Variants in CNTN5 observed in about 807,000 individuals in gnomAD.
CNTN5 encodes the protein contactin-5.
A neutral mutation model predicts 129.1 loss-of-function variants in CNTN5; 77 were observed. The observed-to-expected ratio is 0.60, with a 90% CI of 0.50 to 0.72. The LOEUF (loss-of-function observed/expected upper bound fraction) is 0.72. Among genes scored for constraint, CNTN5 ranks in the 30% least tolerant of loss-of-function variants. The pLI is 0.00. For synonymous variants in CNTN5, 509 were observed against 465.6 expected (o/e 1.09, Z -1.20); for missense variants, 1,478 against 1,328.8 (o/e 1.11, Z -1.75).
intron 2 of CNTN5, among the ~76,000 whole-genome samples, chr11:99,350,271 A>G (rs555075159): frequency 2.0e-5 from 3 of 152,248 alleles, no homozygotes; most frequent in East Asian, 1.9e-4. Flanking sequence ...AAAATACACC[A>G]CCTGAATGCC....
At chr11:99,106,797 T>C (rs1393387618) in intron 1 of CNTN5, among the ~76,000 whole-genome samples, 1 of 152,092 alleles carries the variant, frequency 6.6e-6, no homozygotes, top group African/African-American at 2.4e-5. Flanking sequence ...AAGAACACAG[T>C]AGCACTGAGA....
At chr11:100,332,892 G>T (rs1345619633) in intron 21 of CNTN5, among the ~76,000 whole-genome samples, 2 of 152,112 alleles carry the variant, frequency 1.3e-5, no homozygotes, top group South Asian at 2.1e-4. Context: ...ACAAGGCAAG[G>T]ATGCCCACTC....
intron 13 of CNTN5, among the ~76,000 whole-genome samples, chr11:100,109,403 G>A (rs907608511): frequency 2.6e-5 from 4 of 152,152 alleles, no homozygotes; most frequent in Non-Finnish European, 5.9e-5. Flanking sequence ...TCTAGCCTGG[G>A]CTACAGAGCA....
chr11:99,938,960 T>G (rs752769697), intron 7 of CNTN5, among the ~76,000 whole-genome samples: 1 of 152,126 alleles, frequency 6.6e-6, no homozygotes, highest in Non-Finnish European at 1.5e-5. Context: ...TGACTCATTC[T>G]AAATTATGAG....
chr11:99,543,778 C>T lies in CNTN5; in HGVS notation c.-70-12367C>T, dbSNP rs140851988. Among the ~76,000 whole-genome samples, 30 of 151,980 alleles carry T rather than the reference C, an allele frequency of 2.0e-4. No homozygotes were observed. In the East Asian group the frequency reaches 4.7e-3, roughly 24 times the overall value. ...ACTGAAACTACAAAAATTAGCTGTGCGTGGTGGCACACGCCTGTAATTCCT... is the reference window on the plus strand; with the variant it reads ...ACTGAAACTACAAAAATTAGCTGTGTGTGGTGGCACACGCCTGTAATTCCT... On this transcript the variant is annotated intron_variant, in intron 2 of 24. Transcript: ENST00000524871.
intron 2 of CNTN5, among the ~76,000 whole-genome samples, chr11:99,464,971 A>G (rs1944875879): frequency 1.3e-5 from 2 of 152,166 alleles, no homozygotes; most frequent in East Asian, 1.9e-4. Context: ...TATTTGGAAT[A>G]TTTTGGAATA....
At chr11:99,698,102 A>G (rs1292114713) in intron 3 of CNTN5, among the ~76,000 whole-genome samples, 2 of 150,338 alleles carry the variant, frequency 1.3e-5, no homozygotes, top group Non-Finnish European at 3.0e-5. Flanking sequence ...TTTTTTTACT[A>G]CGTATTTCCT....
At chr11:100,051,374 CA>C (rs1942945360) in intron 9 of CNTN5, among the ~76,000 whole-genome samples, 1 of 151,850 alleles carries the variant, frequency 6.6e-6, no homozygotes, top group African/African-American at 2.4e-5. Flanking sequence ...TTTAGAAATT[CA>C]AAACACACAT....
rs184563825 is a variant in CNTN5 at position 100,011,366 on chromosome 11, C to T, written c.980+9230C>T. Among the ~76,000 whole-genome samples, 86 of 151,594 alleles carry T rather than the reference C, an allele frequency of 5.7e-4. 1 individual carries two copies. Among genetic ancestry groups the T allele is most frequent in the African/African-American group, 2.0e-3 (83 of 40,904 alleles). On this transcript the variant is annotated intron_variant, in intron 9 of 24. Transcript: ENST00000524871. ...GTTACTCTGTAATAAAAAAGCCAAA[C>T]GCTACAAAACAACATCAGTTTATCC...
chr11:100,157,794 T>A (rs1164380472), intron 13 of CNTN5, among the ~76,000 whole-genome samples: 1 of 151,736 alleles, frequency 6.6e-6, no homozygotes, highest in Non-Finnish European at 1.5e-5. Context: ...AACGAAGATC[T>A]GCATAGTTAC....
intron 3 of CNTN5, among the ~76,000 whole-genome samples, chr11:99,579,374 T>C (rs1485421760): frequency 6.6e-6 from 1 of 151,814 alleles, no homozygotes; most frequent in Non-Finnish European, 1.5e-5. Context: ...AAGAAAGTCA[T>C]TGGTAGCTTG....
intron 6 of CNTN5, among the ~76,000 whole-genome samples, chr11:99,908,922 A>T (rs1392283272): frequency 1.3e-5 from 2 of 152,100 alleles, no homozygotes; most frequent in Non-Finnish European, 2.9e-5. Flanking sequence ...TAATATGTAA[A>T]GTGAAAATGG....
chr11:99,493,712 G>A (rs1946121238), intron 2 of CNTN5, among the ~76,000 whole-genome samples: 1 of 152,148 alleles, frequency 6.6e-6, no homozygotes, highest in Non-Finnish European at 1.5e-5. Context: ...GGAGGATTGA[G>A]GTGTTCAAGG....
chr11:99,620,215 T>A (rs1333601835), intron 3 of CNTN5, among the ~76,000 whole-genome samples: 1 of 152,086 alleles, frequency 6.6e-6, no homozygotes, highest in African/African-American at 2.4e-5. Context: ...AGCGTTAAGC[T>A]TGTCCTCAAG....
chr11:99,598,284 CT>C (rs1565335387), intron 3 of CNTN5, among the ~76,000 whole-genome samples: 18 of 5,074 alleles, frequency 3.5e-3, no homozygotes, highest in South Asian at 0.015. Context: ...CTTTTCTTTT[CT>C]TTTCTTTTCT....
rs182687222 is a variant in CNTN5, at chr11:100,344,066, A to G, written c.3030+2861A>G. On this transcript the variant is annotated intron_variant, in intron 23 of 24. Transcript: ENST00000524871. ...GGGAGAGTTTCCATACTTAATTGGAATATTAAAAAGGGAGGTCACTTAATT... is the reference window on the plus strand; with the variant it reads ...GGGAGAGTTTCCATACTTAATTGGAGTATTAAAAAGGGAGGTCACTTAATT... 2.2e-3 allele frequency among the ~76,000 whole-genome samples: 341 copies of G among 152,116 alleles called. 1 individual carries two copies. Among genetic ancestry groups the G allele is most frequent in the South Asian group, 6.4e-3 (31 of 4,820 alleles).
intron 1 of CNTN5, among the ~76,000 whole-genome samples, chr11:99,077,978 T>G (rs1482774602): frequency 6.6e-6 from 1 of 152,172 alleles, no homozygotes; most frequent in Non-Finnish European, 1.5e-5. Context: ...AGATTACCCT[T>G]AAGCTTTCTT....
At position 100,297,968 on chromosome 11, in the gene CNTN5, A is replaced by G. The variant is rs759050933; in HGVS notation, c.2385+273A>G. On this transcript the variant is annotated intron_variant, in intron 19 of 24. Coordinates refer to ENST00000524871, the MANE Select transcript of CNTN5 (RefSeq NM_014361.4). ...TATTTTCCTAATAAACAGAATTGTG[A>G]CTTTGATTACAAAATTTGTGTCATT... Among the ~76,000 whole-genome samples the G allele has an allele frequency of 1.8e-4, 27 of 151,524 alleles. 1 individual carries two copies. The highest frequency in any genetic ancestry group is 2.0e-4 in the Admixed American group (3 of 15,152).
intron 8 of CNTN5, among the ~76,000 whole-genome samples, chr11:99,996,412 A>G (rs538068148): frequency 9.9e-5 from 15 of 152,044 alleles, no homozygotes; most frequent in African/African-American, 2.7e-4. Context: ...AATGCTCTCT[A>G]TTTTTCAGAT....
Sources: gnomAD v4.1 joint callset for allele counts (sites outside exome capture counted in the v4.1 genomes callset) on GRCh38, gnomAD v4.1.1 for gene constraint, MANE v1.5 for transcripts, NCBI Gene and HGNC (gene_info 2026-07-23, HGNC 2026-07-21) for gene names.